The following MYLK variants were observed in gnomAD, a reference collection of about 807,000 sequenced individuals.
MYLK encodes myosin light chain kinase, smooth muscle.
In MYLK, 106 loss-of-function variants were observed where a neutral mutation model predicts 203.4. The observed-to-expected ratio is 0.52, with a 90% confidence interval of 0.45 to 0.61. MYLK has a LOEUF of 0.61. Among genes scored for constraint, MYLK ranks in the 20% least tolerant of loss-of-function variants. MYLK has a pLI of 0.00. For synonymous variants in MYLK, 867 were observed against 959.5 expected, an observed-to-expected ratio of 0.90 and a Z score of 1.78; for missense variants, 2,072 against 2,442.3, an observed-to-expected ratio of 0.85 and a Z score of 3.20.
At chr3:123,781,914 T>A (rs1177179136) in intron 4 of MYLK, among the ~76,000 whole-genome samples, 1 of 152,144 alleles carries the variant, frequency 6.6e-6, no homozygotes, top group East Asian at 1.9e-4. Flanking sequence ...AGACAAGAGA[T>A]TAATATTTAG....
At chr3:123,864,551 G>A (rs1463965491) in intron 2 of MYLK, among the ~76,000 whole-genome samples, 3 of 151,998 alleles carry the variant, frequency 2.0e-5, no homozygotes, top group Non-Finnish European at 2.9e-5. Flanking sequence ...CTAGGTGGAG[G>A]GAATATATGT....
chr3:123,692,140 G>C (rs534494092), intron 19 of MYLK: 2 of 222,116 alleles, frequency 9.0e-6, no homozygotes, highest in Admixed American at 5.4e-5. Flanking sequence ...TCCTAACACA[G>C]AAACTCCGCT....
chr3:123,653,985 GTT>G (rs2059305028), intron 24 of MYLK, among the ~76,000 whole-genome samples: 2 of 85,374 alleles, frequency 2.3e-5, no homozygotes, highest in African/African-American at 6.9e-5. Context: ...TCAGAGGGAT[GTT>G]GTGTGTGTGT....
At chr3:123,811,081 A>C (rs2065543249) in intron 3 of MYLK, among the ~76,000 whole-genome samples, 1 of 152,248 alleles carries the variant, frequency 6.6e-6, no homozygotes, top group Non-Finnish European at 1.5e-5. Flanking sequence ...TGGAGAAGGT[A>C]TGGAAAAAAC....
chr3:123,734,877 C>T (rs897361211), intron 9 of MYLK: 13 of 198,576 alleles, frequency 6.5e-5, no homozygotes, highest in Admixed American at 1.0e-4. Flanking sequence ...TACCAAGTTC[C>T]CGAAATGGCT....
chr3:123,733,060 C>A lies in MYLK; in HGVS notation c.1352G>T (p.Gly451Val), dbSNP rs951341333. ...GCCTTCCTGTCTCCTCACGGGGGTG[C>A]CTTCCAGGAACCAGGCCACTTCAGG... The part of the protein sequence containing the change: ...PKPEVAWFLE[G>V]TPVRRQEGSI... The change falls in exon 11 of 34, where the codon GGC becomes GTC. Residue 451 changes from glycine to valine, a missense_variant. By Grantham distance (109) the Gly-to-Val change is moderately radical. Transcript: ENST00000360304. 6.2e-7 allele frequency: 1 copy of A among 1,613,870 alleles called. No individual in the cohort carries two copies. The highest frequency in any genetic ancestry group is 1.3e-5 in the African/African-American group (1 of 74,914).
At chr3:123,667,246 T>C in intron 20 of MYLK, 59 bp from the exon 21 acceptor site, 1 of 1,538,780 alleles carries the variant, frequency 6.5e-7, no homozygotes, top group Non-Finnish European at 9.0e-7. Context: ...ACAAAGCTCC[T>C]GATCCTAGGA....
At chr3:123,639,860 G>A (rs1404517967) in intron 28 of MYLK, among the ~76,000 whole-genome samples, 4 of 152,154 alleles carry the variant, frequency 2.6e-5, no homozygotes, top group African/African-American at 9.7e-5. Context: ...TATTTTTTAT[G>A]TGAAAGTGCT....
chr3:123,704,291 G>A (rs368784538), intron 16 of MYLK, among the ~76,000 whole-genome samples: 1 of 152,212 alleles, frequency 6.6e-6, no homozygotes, highest in East Asian at 1.9e-4. Flanking sequence ...AGCCTATAAA[G>A]TTCATAGTGG....
At chr3:123,637,756 C>T (rs1238394120) in intron 29 of MYLK, among the ~76,000 whole-genome samples, 1 of 152,146 alleles carries the variant, frequency 6.6e-6, no homozygotes, top group Non-Finnish European at 1.5e-5. Flanking sequence ...TACTTGGTGC[C>T]AGCCACATTT....
intron 4 of MYLK, among the ~76,000 whole-genome samples, chr3:123,756,355 C>T (rs549016856): frequency 1.3e-5 from 2 of 152,150 alleles, no homozygotes; most frequent in Non-Finnish European, 1.5e-5. Context: ...CCCTTGTTTT[C>T]GTAATAGGAC....
At position 123,700,210 on chromosome 3, in the gene MYLK, A is replaced by C; in HGVS notation, c.3258T>G (p.Asp1086Glu). Residue 1086 changes from aspartate to glutamate, a missense_variant, in exon 18 of 34, where the codon GAT becomes GAG. Physicochemically the swap from Asp to Glu is conservative, Grantham distance 45. Coordinates refer to ENST00000360304, the MANE Select transcript of MYLK (RefSeq NM_053025.4). ...CCTGGCTCTCTGATCTCTTTTCATT[A>C]TCTGTGGTCCCTGCATGGCCTCTCT... ...NCKRGHAGTT[D>E]NEKRSESQGT... 1 of 1,613,874 alleles carries C rather than the reference A, an allele frequency of 6.2e-7. No homozygotes were observed. Among genetic ancestry groups the C allele is most frequent in the Non-Finnish European group, 8.5e-7 (1 of 1,179,984 alleles).
chr3:123,692,690 G>T, intron 19 of MYLK, 45 bp downstream of exon 19: 1 of 1,440,780 alleles, frequency 6.9e-7, no homozygotes. Context: ...GCTGAGAAAT[G>T]GGACCCCTGT....
intron 11 of MYLK, among the ~76,000 whole-genome samples, chr3:123,726,777 A>T (rs2108760939): frequency 6.6e-6 from 1 of 152,286 alleles, no homozygotes; most frequent in East Asian, 1.9e-4. Flanking sequence ...TCAGTGAATT[A>T]GGGGACATTT....
At chr3:123,775,127 G>A (rs1203054038) in intron 4 of MYLK, among the ~76,000 whole-genome samples, 1 of 152,090 alleles carries the variant, frequency 6.6e-6, no homozygotes, top group African/African-American at 2.4e-5. Flanking sequence ...GGGCTCAAGT[G>A]ATCCTCCCAC....
chr3:123,721,802 T>C, intron 13 of MYLK, among the ~76,000 whole-genome samples: 1 of 147,998 alleles, frequency 6.8e-6, no homozygotes, highest in African/African-American at 2.5e-5. Context: ...CCCATACCTT[T>C]CCATGGCCCC....
At chr3:123,644,110 C>A (rs182960784) in intron 27 of MYLK, among the ~76,000 whole-genome samples, 3 of 152,352 alleles carry the variant, frequency 2.0e-5, no homozygotes, top group Admixed American at 2.0e-4. Flanking sequence ...AGATCTGAAG[C>A]AACTGGACTT....
intron 12 of MYLK, among the ~76,000 whole-genome samples, chr3:123,723,028 T>C (rs2062150382): frequency 6.6e-6 from 1 of 152,100 alleles, no homozygotes; most frequent in East Asian, 1.9e-4. Context: ...TCTATGTTCC[T>C]GGGAGTTTAT....
chr3:123,757,254 G>A (rs931712664), intron 4 of MYLK, among the ~76,000 whole-genome samples: 2 of 152,220 alleles, frequency 1.3e-5, no homozygotes, highest in Non-Finnish European at 2.9e-5. Flanking sequence ...ACCATAGCCT[G>A]TGCTCAGAGC....
Sources: gnomAD v4.1 joint callset for allele counts (sites outside exome capture counted in the v4.1 genomes callset) on GRCh38, gnomAD v4.1.1 for gene constraint, MANE v1.5 for transcripts, NCBI Gene and HGNC (gene_info 2026-07-23, HGNC 2026-07-21) for gene names.